NUDC: variants seen among roughly 807,000 people sequenced by gnomAD.
The protein encoded by NUDC is nuclear migration protein nudC.
In NUDC, 14 loss-of-function variants were observed where a neutral mutation model predicts 45.0. The ratio of observed to expected loss-of-function variants is 0.31; its 90% CI spans 0.21 to 0.49. The LOEUF (loss-of-function observed/expected upper bound fraction) is 0.49. Ranked by LOEUF, NUDC falls within the 20% of genes least tolerant of loss-of-function variation. The pLI, the probability that NUDC is intolerant of heterozygous loss-of-function variation, is 0.99. For missense variants in NUDC, 323 were observed against 426.2 expected, an observed-to-expected ratio of 0.76 and a Z score of 2.13; for synonymous variants, 153 against 156.7, an observed-to-expected ratio of 0.98 and a Z score of 0.17.
chr1:26,931,129 G>A (rs2082179634), intron 2 of NUDC, among the ~76,000 whole-genome samples: 1 of 152,000 alleles, frequency 6.6e-6, no homozygotes. Context: ...CCAGCCTGGA[G>A]TGCAGTGGCG....
chr1:26,914,215 T>C (rs1299989302), intron 3 of NUDC, among the ~76,000 whole-genome samples: 2 of 152,196 alleles, frequency 1.3e-5, no homozygotes, highest in Admixed American at 1.3e-4. Context: ...CTCACTCAGC[T>C]GCCCCTTATC....
chr1:26,933,342 A>G (rs955080464), intron 2 of NUDC, among the ~76,000 whole-genome samples: 1 of 151,950 alleles, frequency 6.6e-6, no homozygotes, highest in South Asian at 2.1e-4. Flanking sequence ...AAATCTTTTG[A>G]GATTCTATTT....
chr1:26,920,919 A>G (rs937703700), upstream of NUDC, among the ~76,000 whole-genome samples: 1 of 152,226 alleles, frequency 6.6e-6, no homozygotes, highest in Non-Finnish European at 1.5e-5. Context: ...AGCTTGGGTG[A>G]CAATGCAAGA....
At chr1:26,936,676 C>T (rs1570739185) in intron 2 of NUDC, among the ~76,000 whole-genome samples, 2 of 152,090 alleles carry the variant, frequency 1.3e-5, no homozygotes, top group Admixed American at 6.6e-5. Flanking sequence ...AAATAAAACA[C>T]AAGAGACCTC....
At chr1:26,941,175 C>G (rs2082273355) in intron 2 of NUDC, among the ~76,000 whole-genome samples, 2 of 151,096 alleles carry the variant, frequency 1.3e-5, no homozygotes, top group African/African-American at 4.9e-5. Flanking sequence ...GTGATCCACC[C>G]TCCTCAGCCT....
chr1:26,932,922 C>T, intron 2 of NUDC, among the ~76,000 whole-genome samples: 1 of 152,084 alleles, frequency 6.6e-6, no homozygotes, highest in East Asian at 1.9e-4. Context: ...GATTTCCATC[C>T]CCTTTAAGGC....
chr1:26,929,158 C>T (rs2082157677), intron 2 of NUDC, among the ~76,000 whole-genome samples: 2 of 152,274 alleles, frequency 1.3e-5, no homozygotes, highest in South Asian at 2.1e-4. Flanking sequence ...AAGCTGGTCA[C>T]AAAAGGACAA....
intron 3 of NUDC, chr1:26,913,265 T>A (rs947392102): frequency 6.3e-5 from 49 of 777,568 alleles, no homozygotes; most frequent in Non-Finnish European, 9.6e-5. Context: ...CCAGACTGGG[T>A]GACAGAGTGA....
At chr1:26,913,357 G>T (rs1441498075) in intron 3 of NUDC, 1 of 1,541,534 alleles carries the variant, frequency 6.5e-7, no homozygotes, top group Non-Finnish European at 9.0e-7. Context: ...ACCTTCCCTG[G>T]CTGGCCCCTG....
intron 4 of NUDC, among the ~76,000 whole-genome samples, chr1:26,942,371 A>T (rs1264051779): frequency 6.6e-6 from 1 of 152,200 alleles, no homozygotes; most frequent in Non-Finnish European, 1.5e-5. Context: ...AGTGCCTATT[A>T]CAGGTCCCAT....
Position 26,941,482 on chromosome 1 carries a change from A to G in NUDC, c.185A>G (p.His62Arg). 1.2e-6 allele frequency: 2 copies of G among 1,613,968 alleles called. No homozygotes were observed. Among genetic ancestry groups the G allele is most frequent in the Non-Finnish European group, 1.7e-6 (2 of 1,180,016 alleles). The change falls in exon 3 of 9, where the codon CAC (histidine) becomes CGC (arginine). Residue 62 changes from histidine (H) to arginine (R), a missense_variant. His to Arg is a conservative substitution (Grantham distance 29). Around this residue, in one of 3 missense-constraint regions of NUDC, gnomAD observed 245 missense variants for 278.8 expected, o/e 0.88. Transcript: ENST00000321265. ...CTTATCACACAGACTTTCAGCCACC[A>G]CAATCAGCTGGCACAGAAGACCCGG... The part of the protein sequence containing the change: ...EKLITQTFSH[H>R]NQLAQKTRRE...
rs1226442676 is a variant in NUDC at position 26,921,855 on chromosome 1, G to C, written c.7G>C (p.Gly3Arg). Reference sequence around the variant, plus strand: ...GTGGATCGGAGCCGGCGCGATGGGCGGAGAGCAGGAGGAGGAGCGGTTCGA... The same window carrying C: ...GTGGATCGGAGCCGGCGCGATGGGCCGAGAGCAGGAGGAGGAGCGGTTCGA... MGGEQEEERFDGM... is the reference protein window; with the variant it reads MGREQEEERFDGM... The change falls in exon 1 of 9, where the codon GGA becomes CGA. Residue 3 changes from glycine to arginine, a missense_variant. Coordinates refer to ENST00000321265, the MANE Select transcript of NUDC (RefSeq NM_006600.4). The C allele has an allele frequency of 3.9e-6, 6 of 1,552,910 alleles. No individual in the cohort carries two copies. The highest frequency in any genetic ancestry group is 5.2e-6 in the Non-Finnish European group (6 of 1,148,334).
chr1:26,931,377 C>CTTTTTTT (rs796368735), intron 2 of NUDC, among the ~76,000 whole-genome samples: 1 of 76,922 alleles, frequency 1.3e-5, no homozygotes, highest in Non-Finnish European at 2.6e-5. Flanking sequence ...TGCGCCTGGC[C>CTTTTTTT]TTTTTTTTTT....
chr1:26,906,942 G>T (rs554512281), intron 2 of NUDC, among the ~76,000 whole-genome samples: 24 of 152,270 alleles, frequency 1.6e-4, no homozygotes, highest in African/African-American at 5.5e-4. Context: ...ACAGCCTGGG[G>T]TTTCTTCTGG....
chr1:26,936,599 C>G (rs547328332), intron 2 of NUDC, among the ~76,000 whole-genome samples: 210 of 151,912 alleles, frequency 1.4e-3, no homozygotes, highest in Middle Eastern at 3.4e-3. Flanking sequence ...CTTGGCCTCC[C>G]GAAGCGCTGG....
intron 2 of NUDC, among the ~76,000 whole-genome samples, chr1:26,933,722 G>GT (rs991569195): frequency 1.3e-5 from 2 of 151,946 alleles, no homozygotes; most frequent in East Asian, 1.9e-4. Context: ...CCAGTTTTTA[G>GT]TTTTTTTAGG....
chr1:26,917,060 C>T (rs1315084326), upstream of NUDC, among the ~76,000 whole-genome samples: 1 of 152,022 alleles, frequency 6.6e-6, no homozygotes, highest in Non-Finnish European at 1.5e-5. Flanking sequence ...GAGTTCGAGA[C>T]CAGCCTGGCC....
intron 1 of NUDC, 64 bp downstream of exon 1, chr1:26,921,993 G>T: frequency 6.7e-7 from 1 of 1,486,234 alleles, no homozygotes; most frequent in Non-Finnish European, 9.1e-7. Flanking sequence ...GCCCTTCTCT[G>T]CCTTCGAGGG....
upstream of NUDC, among the ~76,000 whole-genome samples, chr1:26,921,156 CATA>C (rs1221348817): frequency 6.6e-6 from 1 of 152,170 alleles, no homozygotes; most frequent in African/African-American, 2.4e-5. Context: ...CAGCACCTGT[CATA>C]ATTTCCTGGG....
Sources: allele counts gnomAD v4.1 joint callset (sites outside exome capture counted in the v4.1 genomes callset), GRCh38; gene constraint gnomAD v4.1.1; regional missense constraint gnomAD v4.1.1; transcripts MANE v1.5; gene names NCBI Gene and HGNC (gene_info 2026-07-23, HGNC 2026-07-21).